Variants in ITGB3BP observed in about 807,000 individuals in gnomAD.
The protein encoded by ITGB3BP is integrin subunit beta 3 binding protein, also known as centromere protein R.
A neutral mutation model predicts 29.1 loss-of-function variants in ITGB3BP; 27 were observed. The observed-to-expected ratio is 0.93, with a 90% confidence interval of 0.68 to 1.28. The LOEUF is 1.28. Among genes scored for constraint, ITGB3BP ranks in the 50% most tolerant of loss-of-function variants. The pLI is 0.00. For missense variants in ITGB3BP, 192 were observed against 200.2 expected, an observed-to-expected ratio of 0.96 and a Z score of 0.25; for synonymous variants, 61 against 61.4, an observed-to-expected ratio of 0.99 and a Z score of 0.03.
chr1:63,514,331 TTTTTG>T (rs1439040020), intron 1 of ITGB3BP, among the ~76,000 whole-genome samples: 5 of 152,160 alleles, frequency 3.3e-5, no homozygotes, highest in Admixed American at 1.3e-4. Context: ...TTTACAAGTT[TTTTTG>T]TTTTGTTTTG....
At chr1:63,486,642 C>T (rs1645536162) in intron 3 of ITGB3BP, among the ~76,000 whole-genome samples, 1 of 151,962 alleles carries the variant, frequency 6.6e-6, no homozygotes, top group African/African-American at 2.4e-5. Flanking sequence ...CCTTAATCTA[C>T]AGTACATATC....
chr1:63,503,393 T>C (rs2100747658), intron 2 of ITGB3BP, among the ~76,000 whole-genome samples: 1 of 152,148 alleles, frequency 6.6e-6, no homozygotes, highest in South Asian at 2.1e-4. Context: ...TTGAGTTCAT[T>C]GTAGATTCTG....
At chr1:63,507,430 G>C (rs973470924) in intron 2 of ITGB3BP, among the ~76,000 whole-genome samples, 1 of 152,102 alleles carries the variant, frequency 6.6e-6, no homozygotes, top group Non-Finnish European at 1.5e-5. Context: ...GTTCTGAAAC[G>C]GTCATTCTTT....
At chr1:63,499,058 A>G (rs544138253) in intron 2 of ITGB3BP, among the ~76,000 whole-genome samples, 2 of 152,328 alleles carry the variant, frequency 1.3e-5, no homozygotes, top group South Asian at 2.1e-4. Flanking sequence ...AAATCTTAAT[A>G]AATCAACAGC....
At chr1:63,462,359 T>C (rs946826695) in intron 4 of ITGB3BP, among the ~76,000 whole-genome samples, 2 of 152,262 alleles carry the variant, frequency 1.3e-5, no homozygotes, top group Non-Finnish European at 2.9e-5. Flanking sequence ...TTAGCTCTAG[T>C]AGCTTCTTGT....
At chr1:63,482,649 ATTTTTTTTTT>A (rs34619742) in intron 3 of ITGB3BP, among the ~76,000 whole-genome samples, 2 of 129,854 alleles carry the variant, frequency 1.5e-5, no homozygotes, top group Non-Finnish European at 3.2e-5. Context: ...AACAATGTTA[ATTTTTTTTTT>A]TTTTTTTTTT....
At chr1:63,444,283 T>A (rs949734062) in intron 8 of ITGB3BP, among the ~76,000 whole-genome samples, 20 of 152,038 alleles carry the variant, frequency 1.3e-4, no homozygotes, top group African/African-American at 4.8e-4. Flanking sequence ...CACTAAATGT[T>A]GCACGTTCAT....
intron 7 of ITGB3BP, among the ~76,000 whole-genome samples, chr1:63,452,527 C>T (rs1023926912): frequency 2.0e-5 from 3 of 152,164 alleles, no homozygotes; most frequent in Non-Finnish European, 2.9e-5. Context: ...AGAGGCCAGG[C>T]GTGTTGGCTT....
At position 63,466,551 on chromosome 1, in the gene ITGB3BP, C is replaced by T. The variant is rs137988560; in HGVS notation, c.255-11583G>A. Among the ~76,000 whole-genome samples, 73 of 152,352 alleles carry T rather than the reference C, an allele frequency of 4.8e-4. No individual in the cohort carries two copies. The East Asian group carries it at 0.014, about 29-fold the overall frequency. On this transcript the variant is annotated intron_variant, in intron 4 of 8. Coordinates refer to ENST00000271002, the MANE Select transcript of ITGB3BP (RefSeq NM_014288.5). ...CCAGACATATCTACAAGGCTAGTTT[C>T]AGTATTCTTCTTTTAAAGAATTTAT...
chr1:63,527,140 TATACTA>T (rs1311676967), upstream of ITGB3BP, among the ~76,000 whole-genome samples: 1 of 152,188 alleles, frequency 6.6e-6, no homozygotes, highest in Non-Finnish European at 1.5e-5. Flanking sequence ...GTTTTGAAAA[TATACTA>T]AGAGAAGGAA....
At position 63,491,744 on chromosome 1, in the gene ITGB3BP, T is replaced by C. The variant is rs188154164; in HGVS notation, c.49-1526A>G. Among the ~76,000 whole-genome samples, 216 of 152,302 alleles carry C rather than the reference T, an allele frequency of 1.4e-3. 1 individual carries two copies. The highest frequency in any genetic ancestry group is 5.1e-3 in the African/African-American group (212 of 41,574). ...AATTATATTGAGAAATGAAAGGCAT[T>C]GTTTATTTTATGTATCCATAGTGGC... On this transcript the variant is annotated intron_variant, in intron 2 of 8. Coordinates refer to ENST00000271002, the MANE Select transcript of ITGB3BP (RefSeq NM_014288.5).
chr1:63,476,575 C>A (rs1043503453), intron 4 of ITGB3BP, among the ~76,000 whole-genome samples: 3 of 152,166 alleles, frequency 2.0e-5, no homozygotes, highest in Admixed American at 6.5e-5. Flanking sequence ...AGCCCACTGC[C>A]ATGGGAGCTA....
At chr1:63,527,607 G>A (rs956856624), upstream of ITGB3BP, among the ~76,000 whole-genome samples, 1 of 152,066 alleles carries the variant, frequency 6.6e-6, no homozygotes, top group African/African-American at 2.4e-5. Flanking sequence ...AATATCTACA[G>A]CTACGTGATA....
chr1:63,517,762 C>A (rs942587596), intron 1 of ITGB3BP, among the ~76,000 whole-genome samples: 14 of 152,246 alleles, frequency 9.2e-5, no homozygotes, highest in Non-Finnish European at 1.8e-4. Flanking sequence ...ACAGGGTCAT[C>A]CAGGCTGGAA....
At chr1:63,453,686 CATTT>C (rs1334529905) in intron 7 of ITGB3BP, 1 of 340,656 alleles carries the variant, frequency 2.9e-6, no homozygotes, top group African/African-American at 2.1e-5. Flanking sequence ...TTTCAAAAGA[CATTT>C]AAAAAGTTCA....
Position 63,454,952 on chromosome 1 carries a change from A to T in ITGB3BP, c.271T>A (p.Ser91Thr). 2 of 1,539,688 alleles carry T rather than the reference A, an allele frequency of 1.3e-6. No homozygotes were observed. Among genetic ancestry groups the T allele is most frequent in the Non-Finnish European group, 9.0e-7 (1 of 1,113,390 alleles). ...TCTTCTGACAATTTCTCAACTTTTG[A>T]TAGCAACATCATGAATCTAGTAATA... ...KDNDEFMMLL[S>T]KVEKLSEEIM... The change falls in exon 5 of 9, where the codon TCA becomes ACA. Residue 91 changes from serine (S) to threonine (T), a missense_variant. By Grantham distance (58) the Ser-to-Thr change is moderately conservative. Coordinates refer to ENST00000271002, the MANE Select transcript of ITGB3BP (RefSeq NM_014288.5). The surrounding 1 kb of genome is among the most constrained non-coding windows in gnomAD (Gnocchi z 4.1).
chr1:63,446,521 T>G (rs1026050031), intron 8 of ITGB3BP: 3 of 342,214 alleles, frequency 8.8e-6, no homozygotes, highest in African/African-American at 6.2e-5. Context: ...GATGCTTGAT[T>G]AAGGACCCTT....
rs763908701 is a variant in ITGB3BP, at chr1:63,523,161, G to GCTGAATA, written c.-35_-29dup. On this transcript the variant is annotated 5_prime_UTR_variant, in exon 1 of 9. Coordinates refer to ENST00000271002, the MANE Select transcript of ITGB3BP (RefSeq NM_014288.5). Reference sequence around the variant, plus strand: ...TGAGATTCGGGAAAGCACCACTGCCGCTGAATAAAACGAACCCAGCAACTT... The same window carrying GCTGAATA: ...TGAGATTCGGGAAAGCACCACTGCCGCTGAATACTGAATAAAACGAACCCAGCAACTT... 4 of 1,613,892 alleles carry GCTGAATA rather than the reference G, an allele frequency of 2.5e-6. No individual in the cohort carries two copies. The highest frequency in any genetic ancestry group is 3.4e-6 in the Non-Finnish European group (4 of 1,179,966).
chr1:63,510,660 T>C lies in ITGB3BP; in HGVS notation c.6-2090A>G, dbSNP rs1444522243. Among the ~76,000 whole-genome samples the C allele has an allele frequency of 2.0e-5, 3 of 152,114 alleles. No individual in the cohort carries two copies. In the East Asian group the frequency reaches 5.8e-4, roughly 29 times the overall value. On this transcript the variant is annotated intron_variant, in intron 1 of 8. Coordinates refer to ENST00000271002, the MANE Select transcript of ITGB3BP (RefSeq NM_014288.5). ...CTAAGAAATCACTTAGTTCAGCCAA[T>C]AGGGAAAACAGTTTGTGCAACTTGC...
Sources: gnomAD v4.1 joint callset for allele counts (sites outside exome capture counted in the v4.1 genomes callset) on GRCh38, gnomAD v4.1.1 for gene constraint, Gnocchi (gnomAD v3.1) non-coding constraint, MANE v1.5 for transcripts, NCBI Gene and HGNC (gene_info 2026-07-23, HGNC 2026-07-21) for gene names.